RBFOX1: variants seen among roughly 807,000 people sequenced by gnomAD.
RBFOX1 encodes the protein RNA binding protein fox-1 homolog 1.
RBFOX1 carries 8 observed loss-of-function variants against 57.7 expected under a neutral mutation model. The observed-to-expected ratio is 0.14, with a 90% CI of 0.08 to 0.25. RBFOX1 has a LOEUF of 0.25. Among genes scored for constraint, RBFOX1 ranks in the 10% least tolerant of loss-of-function variants. RBFOX1 has a pLI of 1.00. For missense variants in RBFOX1, 611 were observed against 548.5 expected, an observed-to-expected ratio of 1.11 and a Z score of -1.14; for synonymous variants, 326 against 222.4, an observed-to-expected ratio of 1.47 and a Z score of -4.15.
At chr16:7,593,104 C>T (rs1248535489) in intron 7 of RBFOX1, among the ~76,000 whole-genome samples, 3 of 152,060 alleles carry the variant, frequency 2.0e-5, no homozygotes, top group African/African-American at 7.2e-5. Flanking sequence ...TGTGAGCCAC[C>T]ATGCCTGGCC....
intron 4 of RBFOX1, among the ~76,000 whole-genome samples, chr16:5,995,006 A>G (rs1246499196): frequency 6.6e-6 from 1 of 152,182 alleles, no homozygotes; most frequent in East Asian, 1.9e-4. Context: ...GACAGGAGGA[A>G]AGGTTGGGAG....
chr16:6,594,311 G>A (rs1023996258), intron 2 of RBFOX1, among the ~76,000 whole-genome samples: 2 of 152,154 alleles, frequency 1.3e-5, no homozygotes, highest in African/African-American at 4.8e-5. Context: ...CCATGACCCT[G>A]GGAGGCCGAC....
Position 6,811,661 on chromosome 16 carries a change from G to A in RBFOX1, c.-16+157011G>A, listed in dbSNP as rs564254157. Among the ~76,000 whole-genome samples the A allele has an allele frequency of 2.9e-4, 44 of 152,268 alleles. 1 individual carries two copies. The highest frequency in any genetic ancestry group is 5.9e-4 in the Non-Finnish European group (40 of 68,032). On this transcript the variant is annotated intron_variant, in intron 3 of 15. Transcript: ENST00000550418. ...TCCTAGCACTTTGGGAGGCTAAGGC[G>A]GGTAGATCATCTGAAGTCAGGAGTT...
At chr16:5,450,971 C>A (rs2068407728) in intron 1 of RBFOX1, among the ~76,000 whole-genome samples, 1 of 152,170 alleles carries the variant, frequency 6.6e-6, no homozygotes, top group Non-Finnish European at 1.5e-5. Flanking sequence ...TGGGGCTGAT[C>A]ACGGGCCATA....
chr16:6,586,996 A>T (rs1351981025), intron 2 of RBFOX1, among the ~76,000 whole-genome samples: 3 of 151,928 alleles, frequency 2.0e-5, no homozygotes, highest in Non-Finnish European at 4.4e-5. Flanking sequence ...TACATGCATT[A>T]CTTCCCCTGT....
chr16:5,963,908 C>A (rs778336572), intron 4 of RBFOX1, among the ~76,000 whole-genome samples: 3 of 152,184 alleles, frequency 2.0e-5, no homozygotes, highest in African/African-American at 7.2e-5. Context: ...AGTGGTTTTA[C>A]GTGAGAGCAG....
At chr16:6,737,130 A>G (rs954558014) in intron 3 of RBFOX1, among the ~76,000 whole-genome samples, 7 of 152,214 alleles carry the variant, frequency 4.6e-5, no homozygotes, top group African/African-American at 1.7e-4. Flanking sequence ...TGGGTTTACA[A>G]TAGAGGAAAC....
At chr16:6,568,065 A>G (rs767836120) in intron 2 of RBFOX1, among the ~76,000 whole-genome samples, 15 of 152,320 alleles carry the variant, frequency 9.8e-5, no homozygotes, top group Non-Finnish European at 1.9e-4. Context: ...GAAGTGGTCC[A>G]CTATTTAAGG....
At chr16:5,812,738 A>G (rs765064417) in intron 3 of RBFOX1, among the ~76,000 whole-genome samples, 2 of 152,166 alleles carry the variant, frequency 1.3e-5, no homozygotes, top group African/African-American at 2.4e-5. Flanking sequence ...CTGGAATTAC[A>G]GGCATGATCC....
chr16:7,646,545 G>C (rs2063775799), intron 11 of RBFOX1, among the ~76,000 whole-genome samples: 1 of 152,232 alleles, frequency 6.6e-6, no homozygotes, highest in African/African-American at 2.4e-5. Context: ...AGGAGGAGCA[G>C]GACAAAGAGA....
chr16:7,403,587 C>T (rs1386898473), intron 4 of RBFOX1, among the ~76,000 whole-genome samples: 2 of 126,660 alleles, frequency 1.6e-5, no homozygotes, highest in African/African-American at 5.6e-5. Flanking sequence ...TTTTTTTTTG[C>T]CCAGTCTGGA....
intron 1 of RBFOX1, among the ~76,000 whole-genome samples, chr16:5,420,656 C>A (rs914214976): frequency 6.6e-6 from 1 of 152,082 alleles, no homozygotes; most frequent in African/African-American, 2.4e-5. Flanking sequence ...TCTGCAGGAC[C>A]CTGAGTTGCT....
intron 3 of RBFOX1, among the ~76,000 whole-genome samples, chr16:7,002,007 A>T (rs2153635105): frequency 6.6e-6 from 1 of 152,248 alleles, no homozygotes; most frequent in Admixed American, 6.5e-5. Flanking sequence ...GAGTGACAGT[A>T]TCCCTGGGCA....
chr16:7,275,348 C>G (rs1567994050), intron 4 of RBFOX1, among the ~76,000 whole-genome samples: 1 of 152,190 alleles, frequency 6.6e-6, no homozygotes. Context: ...CTCTGCTTAA[C>G]CATTTCCCTG....
intron 4 of RBFOX1, among the ~76,000 whole-genome samples, chr16:7,168,892 T>C (rs1231077791): frequency 6.6e-6 from 1 of 151,854 alleles, no homozygotes; most frequent in Non-Finnish European, 1.5e-5. Flanking sequence ...TCTATTTTTG[T>C]CTTAACTCCA....
intron 3 of RBFOX1, among the ~76,000 whole-genome samples, chr16:7,044,259 A>T (rs945642491): frequency 3.9e-5 from 6 of 152,168 alleles, no homozygotes; most frequent in African/African-American, 1.4e-4. Context: ...CAAACATCGT[A>T]CTCATCTCTA....
chr16:7,104,476 T>G (rs1170991689), intron 4 of RBFOX1, among the ~76,000 whole-genome samples: 1 of 151,990 alleles, frequency 6.6e-6, no homozygotes, highest in Non-Finnish European at 1.5e-5. Context: ...AAGGAAAGAG[T>G]AAAATTTAAA....
intron 3 of RBFOX1, among the ~76,000 whole-genome samples, chr16:5,793,568 C>T (rs966625109): frequency 2.6e-5 from 4 of 152,186 alleles, no homozygotes; most frequent in Non-Finnish European, 4.4e-5. Context: ...GTCCCTCCCT[C>T]TTCAGCCCCC....
At chr16:6,814,866 C>G (rs969611132) in intron 3 of RBFOX1, among the ~76,000 whole-genome samples, 3 of 152,052 alleles carry the variant, frequency 2.0e-5, no homozygotes, top group African/African-American at 4.8e-5. Flanking sequence ...AGAGAGGGTT[C>G]TTGGACCTTG....
Sources: allele counts gnomAD v4.1 joint callset (sites outside exome capture counted in the v4.1 genomes callset), GRCh38; gene constraint gnomAD v4.1.1; transcripts MANE v1.5; gene names NCBI Gene and HGNC (gene_info 2026-07-23, HGNC 2026-07-21).